CHD1: variants seen among roughly 807,000 people sequenced by gnomAD.
CHD1 encodes chromodomain helicase DNA binding protein 1.
CHD1 carries 36 observed loss-of-function variants against 224.2 expected under a neutral mutation model. That is an observed-to-expected ratio of 0.16 (90% confidence interval 0.12 to 0.21). CHD1 has a LOEUF of 0.21. Ranked by LOEUF, CHD1 falls within the 10% of genes least tolerant of loss-of-function variation. The pLI, the probability that CHD1 is intolerant of heterozygous loss-of-function variation, is 1.00. For synonymous variants in CHD1, 668 were observed against 658.3 expected (o/e 1.01, Z -0.23); for missense variants, 1,378 against 1,994.8 (o/e 0.69, Z 5.89).
intron 23 of CHD1, among the ~76,000 whole-genome samples, chr5:98,877,142 C>T (rs113865506): frequency 1.3e-5 from 2 of 152,192 alleles, no homozygotes; most frequent in African/African-American, 4.8e-5. Context: ...CATGGCATTT[C>T]AGCCTGAGCA....
At chr5:98,905,562 G>A (rs1751994409) in intron 2 of CHD1, among the ~76,000 whole-genome samples, 2 of 152,142 alleles carry the variant, frequency 1.3e-5, no homozygotes, top group East Asian at 1.9e-4. Context: ...AAATTTATTT[G>A]TAGTTTCTGC....
intron 31 of CHD1, among the ~76,000 whole-genome samples, chr5:98,864,933 G>T (rs989809316): frequency 6.6e-6 from 1 of 152,094 alleles, no homozygotes; most frequent in African/African-American, 2.4e-5. Context: ...TCTAGGCATT[G>T]TTCCAGATGC....
intron 35 of CHD1, among the ~76,000 whole-genome samples, chr5:98,857,244 T>C (rs960627154): frequency 1.3e-5 from 2 of 152,062 alleles, no homozygotes; most frequent in Admixed American, 6.6e-5. Context: ...ATTACGAAAT[T>C]TACTCCATAC....
intron 28 of CHD1, 120 bp from the exon 29 acceptor site, chr5:98,870,923 T>C (rs1749286812): frequency 2.0e-6 from 1 of 500,424 alleles, no homozygotes; most frequent in Non-Finnish European, 3.4e-6. Context: ...CAATTATTAA[T>C]ATTTGTAGGA....
intron 27 of CHD1, 62 bp from the exon 28 acceptor site, chr5:98,872,263 TG>T (rs930505931): frequency 6.5e-7 from 1 of 1,535,166 alleles, no homozygotes; most frequent in African/African-American, 1.4e-5. Flanking sequence ...AAATTAATTT[TG>T]AAAAACGTGA....
chr5:98,879,795 G>A, intron 22 of CHD1, 67 bp from the exon 23 acceptor site: 1 of 1,001,204 alleles, frequency 1.0e-6, no homozygotes, highest in Non-Finnish European at 1.5e-6. Context: ...TTTTTTTTAA[G>A]GGGAAGAACT....
chr5:98,925,435 CTTTATGG>C (rs1230893962), intron 2 of CHD1, among the ~76,000 whole-genome samples: 1 of 152,134 alleles, frequency 6.6e-6, no homozygotes, highest in African/African-American at 2.4e-5. Context: ...TTAATCCCCT[CTTTATGG>C]GGCAAAAATC....
At chr5:98,885,703 C>T (rs1750605587) in intron 17 of CHD1, 54 bp from the exon 18 acceptor site, 7 of 973,112 alleles carry the variant, frequency 7.2e-6, no homozygotes, top group Middle Eastern at 2.3e-4. Context: ...TATTACAAAG[C>T]AATTAAAATC....
rs983789255 is a variant in CHD1, at chr5:98,855,364, G to A, written c.*1016C>T. The A allele has an allele frequency of 2.0e-5, 3 of 152,410 alleles. No individual in the cohort carries two copies. The highest frequency in any genetic ancestry group is 4.8e-5 in the African/African-American group (2 of 41,364). The allele number at this position is 152,410 out of a possible 1,614,324, so 9.4% of individuals were successfully genotyped here. On this transcript the variant is annotated 3_prime_UTR_variant, in exon 36 of 36. Transcript: ENST00000614616. ...GCCCACATAAAACGGGAAAACAAACGGATTTACAATAACTTTTGGCCGTTT... is the reference window on the plus strand; with the variant it reads ...GCCCACATAAAACGGGAAAACAAACAGATTTACAATAACTTTTGGCCGTTT...
intron 34 of CHD1, chr5:98,858,722 A>G: frequency 4.7e-6 from 2 of 425,980 alleles, no homozygotes; most frequent in Non-Finnish European, 8.2e-6. Flanking sequence ...GTCATTCTAC[A>G]ATTTCTAGAA....
rs1751804222 is a variant in CHD1, at chr5:98,902,791, C to A, written c.437+109G>T. The A allele has an allele frequency of 8.2e-6, 5 of 609,430 alleles. No homozygotes were observed. The South Asian group carries it at 1.1e-4, about 14-fold the overall frequency. 37.8% of individuals were successfully genotyped at this position (609,430 alleles called of 1,614,324 possible). A position where few individuals can be genotyped will look rare whatever the true frequency, so the allele number is the denominator to read the frequency against. ...AATTAACTTCATAAAATGCCATGAA[C>A]TAAGAATTTAGAAGAGTCTCCTTTT... is the stretch of plus-strand genomic sequence containing the variant. On this transcript the variant is annotated intron_variant, in intron 5 of 35. Transcript: ENST00000614616.
chr5:98,885,623 T>C lies in CHD1; in HGVS notation c.2523A>G (p.Glu841=). 1.9e-6 allele frequency: 3 copies of C among 1,601,554 alleles called. No homozygotes were observed. Among genetic ancestry groups the C allele is most frequent in the Non-Finnish European group, 2.6e-6 (3 of 1,170,914 alleles). Residue 841 remains glutamate, a synonymous_variant, in exon 18 of 36, where the codon GAA becomes GAG. Coordinates refer to ENST00000614616, the MANE Select transcript of CHD1 (RefSeq NM_001270.4). Reference sequence around the variant, plus strand: ...AATGATCTAGAGCTTGTTTCCTCAGTTCTCCTTTTATTGATCCATCTAATC... The same window carrying C: ...AATGATCTAGAGCTTGTTTCCTCAGCTCTCCTTTTATTGATCCATCTAATC... ...FQRLDGSIKG[E]LRKQALDHFN...
intron 22 of CHD1, among the ~76,000 whole-genome samples, chr5:98,880,074 G>C (rs1644444782): frequency 6.6e-6 from 1 of 152,176 alleles, no homozygotes; most frequent in African/African-American, 2.4e-5. Context: ...CACCTATCAA[G>C]TATTGTAGAA....
intron 23 of CHD1, among the ~76,000 whole-genome samples, chr5:98,876,996 T>A (rs905504319): frequency 6.6e-6 from 1 of 152,186 alleles, no homozygotes; most frequent in Admixed American, 6.5e-5. Flanking sequence ...TAGTGAGACC[T>A]TGTCTCTACC....
intron 10 of CHD1, 140 bp downstream of exon 10, chr5:98,898,113 TCAC>T (rs1751461926): frequency 2.5e-6 from 1 of 400,398 alleles, no homozygotes; most frequent in Non-Finnish European, 4.2e-6. Flanking sequence ...TTGCAGAAGT[TCAC>T]TTCCTGTAAG....
rs1355724201 is a variant in CHD1 at position 98,905,017 on chromosome 5, GCTACTGCTTCCATCA to G, written c.120_134del (p.Asp41_Ser45del). 6.4e-7 allele frequency: 1 copy of G among 1,553,612 alleles called. No individual in the cohort carries two copies. Among genetic ancestry groups the G allele is most frequent in the African/African-American group, 1.4e-5 (1 of 73,668 alleles). ...AGTCAGAGTCACTGCTACCTGACTG[GCTACTGCTTCCATCA>G]CTACTGCTTCCAGAACTCGAACCAG... On this transcript the variant is annotated inframe_deletion, in exon 3 of 36. Transcript: ENST00000614616.
At chr5:98,883,058 C>A in intron 19 of CHD1, 30 bp downstream of exon 19, 4 of 1,292,918 alleles carry the variant, frequency 3.1e-6, no homozygotes, top group Admixed American at 3.5e-5. Flanking sequence ...TCTAAAACAG[C>A]AATATAATAT....
At chr5:98,882,459 C>T (rs975542720) in intron 19 of CHD1, among the ~76,000 whole-genome samples, 4 of 151,244 alleles carry the variant, frequency 2.6e-5, no homozygotes, top group African/African-American at 4.9e-5. Flanking sequence ...TTCTTATACT[C>T]GTTGCCTTGA....
rs768744139 is a variant in CHD1, at chr5:98,898,668, T to TA, written c.1181dup (p.Ile395AsnfsTer14). ...CTAGAATCATTTATCACTAACCAAT[T>TA]ATACGTTCCACTATTTGATACTGTT... On this transcript the variant is annotated frameshift_variant, in exon 9 of 36. Transcript: ENST00000614616. LOFTEE classifies it high-confidence loss of function. 1 of 1,511,116 alleles carries TA rather than the reference T, an allele frequency of 6.6e-7. No individual in the cohort carries two copies. Among genetic ancestry groups the TA allele is most frequent in the Non-Finnish European group, 9.1e-7 (1 of 1,095,090 alleles). The allele number at this position is 1,511,116 out of a possible 1,614,324, so 93.6% of individuals were successfully genotyped here. A position where few individuals can be genotyped will look rare whatever the true frequency, so the allele number is the denominator to read the frequency against.
Sources: allele counts gnomAD v4.1 joint callset (sites outside exome capture counted in the v4.1 genomes callset), GRCh38; gene constraint gnomAD v4.1.1; transcripts MANE v1.5; gene names NCBI Gene and HGNC (gene_info 2026-07-23, HGNC 2026-07-21).